Variants in FANCD2 observed in about 807,000 individuals in gnomAD.
The protein encoded by FANCD2 is Fanconi anemia group D2 protein.
In FANCD2, 131 loss-of-function variants were observed where a neutral mutation model predicts 192.3. The observed-to-expected ratio is 0.68, with a 90% CI of 0.59 to 0.79. FANCD2 has a LOEUF of 0.79. Ranked by LOEUF, FANCD2 falls within the 30% of genes least tolerant of loss-of-function variation. The pLI is 0.00. For missense variants in FANCD2, 1,508 were observed against 1,701.6 expected (o/e 0.89, Z 2.00); for synonymous variants, 524 against 612.5 (o/e 0.86, Z 2.13).
intron 18 of FANCD2, among the ~76,000 whole-genome samples, chr3:10,057,282 TC>T (rs1177008619): frequency 6.6e-6 from 1 of 152,212 alleles, no homozygotes; most frequent in Non-Finnish European, 1.5e-5. Flanking sequence ...GGGTTTTCAC[TC>T]CCTTGATAGT....
chr3:10,065,264 G>C, intron 23 of FANCD2, 130 bp from the exon 24 acceptor site: 2 of 725,448 alleles, frequency 2.8e-6, no homozygotes, highest in Admixed American at 4.0e-5. Flanking sequence ...ACTCCAGACT[G>C]GGCGACAGAG....
At position 10,088,831 on chromosome 3, in the gene FANCD2, C is replaced by T. The variant is rs751864173; in HGVS notation, c.3564C>T (p.Ile1188=). The T allele has an allele frequency of 1.2e-6, 2 of 1,614,080 alleles. No individual in the cohort carries two copies. The highest frequency in any genetic ancestry group is 2.2e-5 in the South Asian group (2 of 91,082). The change falls in exon 36 of 44, where the codon ATC becomes ATT. Residue 1188 remains isoleucine (I), a synonymous_variant. Coordinates refer to ENST00000675286, the MANE Select transcript of FANCD2 (RefSeq NM_001018115.3). The part of the protein sequence containing the change: ...SNDQLHALLC[I]YLEHTESILK... The stretch of plus-strand genomic sequence containing the variant: ...AAATATTTGACTCTCAATGCAGTAT[C>T]TACCTGGAGCACACAGAGAGCATTC...
intron 42 of FANCD2, among the ~76,000 whole-genome samples, chr3:10,097,562 A>C (rs948056948): frequency 6.6e-6 from 1 of 152,244 alleles, no homozygotes; most frequent in Non-Finnish European, 1.5e-5. Context: ...GTTTAAGGTT[A>C]TCTCTCCTAT....
intron 32 of FANCD2, among the ~76,000 whole-genome samples, chr3:10,084,735 G>C (rs906346918): frequency 9.2e-5 from 14 of 152,214 alleles, no homozygotes; most frequent in African/African-American, 2.9e-4. Flanking sequence ...TATCACTGGT[G>C]ATCAGGAAGA....
chr3:10,075,728 CTT>C (rs71052292), intron 29 of FANCD2, among the ~76,000 whole-genome samples: 3 of 106,626 alleles, frequency 2.8e-5, no homozygotes, highest in Admixed American at 1.2e-4. Flanking sequence ...AAATAGTATC[CTT>C]TTTTTTTTTT....
At position 10,052,404 on chromosome 3, in the gene FANCD2, G is replaced by A. The variant is rs747687828; in HGVS notation, c.1563G>A (p.Leu521=). 9 of 1,610,400 alleles carry A rather than the reference G, an allele frequency of 5.6e-6. No homozygotes were observed. The highest frequency in any genetic ancestry group is 3.4e-6 in the Non-Finnish European group (4 of 1,176,826). Residue 521 remains leucine (L), a synonymous_variant, in exon 18 of 44, where the codon CTG becomes CTA. Coordinates refer to ENST00000675286, the MANE Select transcript of FANCD2 (RefSeq NM_001018115.3). The part of the protein sequence containing the change: ...AVFVKGILDY[L]DNISPQQIRK... ...TTCCACAGGGCATTTTAGATTATCT[G>A]GATAACATATCCCCTCAGCAAATAC...
rs1349417700 is a variant in FANCD2 at position 10,047,948 on chromosome 3, C to T, written c.1310C>T (p.Ser437Leu). 8.7e-6 allele frequency: 14 copies of T among 1,613,338 alleles called. No individual in the cohort carries two copies. The highest frequency in any genetic ancestry group is 3.3e-5 in the Admixed American group (2 of 60,016). Reference protein sequence around the residue: ...VLKDMCSSILSLAQSLLHSLD... With the variant: ...VLKDMCSSILLLAQSLLHSLD... ...AAGGATATGTGTTCATCCATTCTGT[C>T]GCTGGCTCAGAGTTTGCTTCACTCT... is the stretch of plus-strand genomic sequence containing the variant. The change falls in exon 16 of 44, where the codon TCG (serine) becomes TTG (leucine). Residue 437 changes from serine to leucine, a missense_variant. Around this residue, in one of 5 missense-constraint regions of FANCD2, gnomAD observed 108 missense variants for 174.1 expected, o/e 0.62. Coordinates refer to ENST00000675286, the MANE Select transcript of FANCD2 (RefSeq NM_001018115.3).
At chr3:10,071,223 C>G (rs1693227083) in intron 26 of FANCD2, among the ~76,000 whole-genome samples, 1 of 150,836 alleles carries the variant, frequency 6.6e-6, no homozygotes, top group South Asian at 2.1e-4. Flanking sequence ...GAAAAGAGAA[C>G]CTTTGTACAC....
chr3:10,072,558 G>A (rs1352764397), intron 26 of FANCD2, among the ~76,000 whole-genome samples: 1 of 152,164 alleles, frequency 6.6e-6, no homozygotes, highest in Admixed American at 6.5e-5. Context: ...GGGGTTACAG[G>A]CGCGAGCCAC....
intron 1 of FANCD2, among the ~76,000 whole-genome samples, chr3:10,027,097 C>G (rs888024995): frequency 6.6e-6 from 1 of 152,186 alleles, no homozygotes; most frequent in Non-Finnish European, 1.5e-5. Flanking sequence ...TTCTTGTTAG[C>G]TTTTAGCATT....
chr3:10,097,391 G>C (rs1315103267), intron 42 of FANCD2, among the ~76,000 whole-genome samples: 1 of 152,122 alleles, frequency 6.6e-6, no homozygotes, highest in Admixed American at 6.5e-5. Context: ...TAAGAGACAG[G>C]TACACCCGGG....
chr3:10,039,353 G>A lies in FANCD2; in HGVS notation c.566G>A (p.Gly189Asp), dbSNP rs2086807358. The change falls in exon 8 of 44, where the codon GGC becomes GAC. Residue 189 changes from glycine (G) to aspartate (D), a missense_variant. Physicochemically the swap from Gly to Asp is moderately conservative, Grantham distance 94. Coordinates refer to ENST00000675286, the MANE Select transcript of FANCD2 (RefSeq NM_001018115.3). ...QLKWLDRVVD[G>D]KDLTTKIMQL... ...AAATGGCTTGACAGAGTTGTGGATG[G>A]CAAGGTAGGCTTATGGACTTTATCT... The A allele has an allele frequency of 6.2e-7, 1 of 1,611,304 alleles. No individual in the cohort carries two copies. Among genetic ancestry groups the A allele is most frequent in the Admixed American group, 1.7e-5 (1 of 60,002 alleles).
chr3:10,029,068 AT>A (rs1246791612), intron 2 of FANCD2, among the ~76,000 whole-genome samples: 1 of 152,216 alleles, frequency 6.6e-6, no homozygotes, highest in African/African-American at 2.4e-5. Flanking sequence ...TGGAAAAAAA[AT>A]ATTATGATCT....
chr3:10,034,835 G>A (rs1405492700), intron 5 of FANCD2, 37 bp downstream of exon 5: 1 of 1,477,242 alleles, frequency 6.8e-7, no homozygotes, highest in Admixed American at 2.0e-5. Context: ...CTGAAATTCA[G>A]TCTGTTTTGC....
At chr3:10,082,359 T>A (rs1693894601) in intron 32 of FANCD2, among the ~76,000 whole-genome samples, 1 of 152,206 alleles carries the variant, frequency 6.6e-6, no homozygotes, top group Admixed American at 6.6e-5. Context: ...CAACCTGGAC[T>A]GGGCTAGGTT....
intron 11 of FANCD2, 60 bp downstream of exon 11, chr3:10,042,723 C>T (rs915173401): frequency 7.7e-7 from 1 of 1,297,610 alleles, no homozygotes; most frequent in African/African-American, 1.4e-5. Flanking sequence ...TTGCTCTTCT[C>T]TGTCCCCAGA....
intron 33 of FANCD2, among the ~76,000 whole-genome samples, chr3:10,086,518 G>A (rs1229189781): frequency 6.6e-6 from 1 of 151,772 alleles, no homozygotes; most frequent in African/African-American, 2.4e-5. Flanking sequence ...TTGAGAGAGA[G>A]TCTCACTTTG....
chr3:10,083,501 G>A (rs1693973240), intron 32 of FANCD2: 1 of 152,122 alleles, frequency 6.6e-6, no homozygotes, highest in African/African-American at 2.4e-5. Context: ...TCCATATTGG[G>A]AAATAGTTTG....
At chr3:10,100,913 A>T (rs531412314) in intron 43 of FANCD2, among the ~76,000 whole-genome samples, 1 of 152,156 alleles carries the variant, frequency 6.6e-6, no homozygotes, top group East Asian at 1.9e-4. Context: ...CTACCAAAAT[A>T]CAAAAATTAG....
Sources: allele counts gnomAD v4.1 joint callset (sites outside exome capture counted in the v4.1 genomes callset), GRCh38; gene constraint gnomAD v4.1.1; regional missense constraint gnomAD v4.1.1; transcripts MANE v1.5; gene names NCBI Gene and HGNC (gene_info 2026-07-23, HGNC 2026-07-21).